Variants in LPP observed in about 807,000 individuals in gnomAD.
LPP encodes LIM domain containing preferred translocation partner in lipoma, also known as lipoma-preferred partner.
In LPP, 38 loss-of-function variants were observed where a neutral mutation model predicts 60.4. The ratio of observed to expected loss-of-function variants is 0.63; its 90% CI spans 0.49 to 0.83. LPP has a LOEUF of 0.83. LPP is among the 40% of genes least tolerant of loss of function. LPP has a pLI of 0.00. For synonymous variants in LPP, 328 were observed against 290.8 expected, an observed-to-expected ratio of 1.13 and a Z score of -1.30; for missense variants, 902 against 783.6, an observed-to-expected ratio of 1.15 and a Z score of -1.80.
At chr3:188,172,520 T>C (rs551017061) in intron 1 of LPP, among the ~76,000 whole-genome samples, 1 of 152,372 alleles carries the variant, frequency 6.6e-6, no homozygotes, top group East Asian at 1.9e-4. Context: ...AAAATGGCGA[T>C]TTGGAAAAGA....
chr3:188,158,337 G>C (rs1717155145), intron 1 of LPP, among the ~76,000 whole-genome samples: 1 of 152,174 alleles, frequency 6.6e-6, no homozygotes, highest in Non-Finnish European at 1.5e-5. Context: ...TAGTATCTGG[G>C]TGAAAATCTG....
In LPP at chr3:188,609,907, A is replaced by T. The variant is rs920590252; in HGVS notation, c.1113+63A>T. The T allele has an allele frequency of 1.0e-5, 15 of 1,489,766 alleles. No individual in the cohort carries two copies. The Middle Eastern group carries it at 5.5e-4, about 54-fold the overall frequency. The allele number at this position is 1,489,766 out of a possible 1,614,324, so 92.3% of individuals were successfully genotyped here. On this transcript the variant is annotated intron_variant, in intron 7 of 11. Coordinates refer to ENST00000617246, the MANE Select transcript of LPP (RefSeq NM_001375462.1). This position sits in a 1 kb window ranked among gnomAD's most constrained non-coding sequence, Gnocchi z 6.9. ...GTGCCTATCTTAGTCTGCCTTCCCCAGGAAGCGAAGCCTAAGGCAAAAGTG... is the reference window on the plus strand; with the variant it reads ...GTGCCTATCTTAGTCTGCCTTCCCCTGGAAGCGAAGCCTAAGGCAAAAGTG...
chr3:188,196,467 C>T (rs887080817), intron 1 of LPP, among the ~76,000 whole-genome samples: 42 of 152,166 alleles, frequency 2.8e-4, no homozygotes, highest in African/African-American at 9.2e-4. Flanking sequence ...CACGGTAACA[C>T]GTCCTGCCCA....
intron 5 of LPP, among the ~76,000 whole-genome samples, chr3:188,495,082 A>ATTTGT (rs1553913573): frequency 1.9e-4 from 18 of 97,270 alleles, no homozygotes; most frequent in African/African-American, 7.2e-4. Flanking sequence ...ATATATATAT[A>ATTTGT]TTTTATTTAT....
chr3:188,592,563 T>TTTTTTTTTTTTTTGG lies in LPP; in HGVS notation c.430-16598_430-16597insTTTTTTTTTTTTTGG. Among the ~76,000 whole-genome samples the TTTTTTTTTTTTTTGG allele has an allele frequency of 1.7e-3, 129 of 77,174 alleles. 8 individuals are homozygous for TTTTTTTTTTTTTTGG. The highest frequency in any genetic ancestry group is 7.0e-3 in the Middle Eastern group (1 of 142). 50.6% of individuals were successfully genotyped at this position (77,174 alleles called of 152,430 possible). ...TGTTTTTAGTTTTGTTTTTGTTTTT[T>TTTTTTTTTTTTTTGG]AAATGGAGTCTCACTCTTTCTCCCA... On this transcript the variant is annotated intron_variant, in intron 6 of 11. Transcript: ENST00000617246.
chr3:188,320,514 A>C (rs1376778441), intron 2 of LPP, among the ~76,000 whole-genome samples: 1 of 152,210 alleles, frequency 6.6e-6, no homozygotes, highest in Non-Finnish European at 1.5e-5. Flanking sequence ...AAAGGAGAAC[A>C]CTTGGGAAAG....
intron 2 of LPP, among the ~76,000 whole-genome samples, chr3:188,337,169 G>A (rs765819293): frequency 9.9e-5 from 15 of 152,126 alleles, no homozygotes; most frequent in African/African-American, 3.1e-4. Context: ...CACTGGGTTC[G>A]GGTGGTTCAA....
intron 9 of LPP, among the ~76,000 whole-genome samples, chr3:188,859,601 C>A (rs1764691068): frequency 6.6e-6 from 1 of 152,152 alleles, no homozygotes; most frequent in Admixed American, 6.5e-5. Flanking sequence ...TTGTTCCATT[C>A]TTTAGGCTTT....
At chr3:188,754,020 C>T (rs1204422114) in intron 8 of LPP, among the ~76,000 whole-genome samples, 2 of 152,148 alleles carry the variant, frequency 1.3e-5, no homozygotes, top group African/African-American at 2.4e-5. Flanking sequence ...CATATTGCTA[C>T]ATTATGTAAA....
At chr3:188,281,980 TCTC>T (rs1425122633) in intron 2 of LPP, among the ~76,000 whole-genome samples, 1 of 152,184 alleles carries the variant, frequency 6.6e-6, no homozygotes, top group African/African-American at 2.4e-5. Context: ...CCTTTTCCCT[TCTC>T]CTTCTCACCT....
At chr3:188,742,027 C>T (rs548687983) in intron 8 of LPP, among the ~76,000 whole-genome samples, 10 of 152,052 alleles carry the variant, frequency 6.6e-5, no homozygotes, top group Non-Finnish European at 1.2e-4. Context: ...TAAGAAAATA[C>T]ACAAATAACC....
chr3:188,241,049 G>A (rs2149463006), intron 2 of LPP, among the ~76,000 whole-genome samples: 1 of 152,316 alleles, frequency 6.6e-6, no homozygotes, highest in South Asian at 2.1e-4. Context: ...AAGACAGTGA[G>A]AATGTCCCTA....
At chr3:188,797,774 G>T (rs908514979) in intron 9 of LPP, among the ~76,000 whole-genome samples, 1 of 152,116 alleles carries the variant, frequency 6.6e-6, no homozygotes, top group Non-Finnish European at 1.5e-5. Context: ...ATATAGCTAT[G>T]CATTTATATG....
At chr3:188,731,828 A>G (rs1720727369) in intron 8 of LPP, among the ~76,000 whole-genome samples, 1 of 152,002 alleles carries the variant, frequency 6.6e-6, no homozygotes. Context: ...GGCCTGTCTA[A>G]TCTTTTATTT....
intron 9 of LPP, among the ~76,000 whole-genome samples, chr3:188,836,224 A>G (rs4686494): frequency 0.32 from 48,515 of 152,114 alleles, 9,286 homozygotes; most frequent in East Asian, 0.84. Context: ...GCTTCTCCAC[A>G]TCTTGAGCCT....
At chr3:188,755,609 G>C (rs970770745) in intron 8 of LPP, among the ~76,000 whole-genome samples, 5 of 151,928 alleles carry the variant, frequency 3.3e-5, no homozygotes, top group Admixed American at 6.6e-5. Context: ...CTTGAGACCA[G>C]CCTGGGAAGC....
chr3:188,642,891 G>A (rs182814637), intron 7 of LPP, among the ~76,000 whole-genome samples: 3 of 151,694 alleles, frequency 2.0e-5, no homozygotes, highest in African/African-American at 4.8e-5. Context: ...AGCTGAGATC[G>A]CACCATTGCA....
At chr3:188,453,406 A>G (rs1470898711) in intron 4 of LPP, among the ~76,000 whole-genome samples, 3 of 151,982 alleles carry the variant, frequency 2.0e-5, no homozygotes, top group Non-Finnish European at 4.4e-5. Flanking sequence ...AGCTCCTTGT[A>G]TGATACCGAC....
At chr3:188,252,039 T>C (rs1482913166) in intron 2 of LPP, among the ~76,000 whole-genome samples, 1 of 63,660 alleles carries the variant, frequency 1.6e-5, no homozygotes, top group Non-Finnish European at 2.9e-5. Flanking sequence ...CTGATATATA[T>C]ATATATATAT....
Sources: gnomAD v4.1 joint callset for allele counts (sites outside exome capture counted in the v4.1 genomes callset) on GRCh38, gnomAD v4.1.1 for gene constraint, Gnocchi (gnomAD v3.1) non-coding constraint, MANE v1.5 for transcripts, NCBI Gene and HGNC (gene_info 2026-07-23, HGNC 2026-07-21) for gene names.